ZNF280C: variants seen among roughly 807,000 people sequenced by gnomAD.
The protein encoded by ZNF280C is zinc finger protein 280C.
Under a neutral mutation model 53.6 loss-of-function variants are expected in ZNF280C, and 14 were observed. That is an observed-to-expected ratio of 0.26 (90% CI 0.17 to 0.41). The LOEUF is 0.41. ZNF280C is among the 10% of genes least tolerant of loss of function. The pLI is 1.00. For synonymous variants in ZNF280C, 203 were observed against 181.1 expected (o/e 1.12, Z -0.97); for missense variants, 416 against 547.1 (o/e 0.76, Z 2.39).
chrX:130,216,161 A>G, intron 13 of ZNF280C, 60 bp from the exon 14 acceptor site: 1 of 1,002,154 alleles, frequency 1.0e-6, no homozygotes. Flanking sequence ...AGTATTAAAA[A>G]TATCATTGTA....
At position 130,202,787 on chromosome X, in the gene ZNF280C, A is replaced by G. The variant is rs1268812781; in HGVS notation, c.*2190T>C. On this transcript the variant is annotated 3_prime_UTR_variant, in exon 19 of 19. Coordinates refer to ENST00000370978, the MANE Select transcript of ZNF280C (RefSeq NM_017666.5). ...ATTTTATTAAAAAAATAACATCAAAACTGTTCAGCAAATCTGTATTCAATG... is the reference window on the plus strand; with the variant it reads ...ATTTTATTAAAAAAATAACATCAAAGCTGTTCAGCAAATCTGTATTCAATG... 9.0e-6 allele frequency: 1 copy of G among 111,360 alleles called. No homozygotes were observed. The highest frequency in any genetic ancestry group is 2.8e-4 in the East Asian group (1 of 3,595). 9.2% of individuals were successfully genotyped at this position (111,360 alleles called of 1,213,427 possible).
chrX:130,252,943 C>T (rs944151865), intron 2 of ZNF280C, among the ~76,000 whole-genome samples: 4 of 111,354 alleles, frequency 3.6e-5, no homozygotes, highest in East Asian at 2.8e-4. Context: ...AAGAAATAGA[C>T]GGCATCCACA....
At position 130,216,145 on chromosome X, in the gene ZNF280C, C is replaced by T. The variant is rs186007856; in HGVS notation, c.1528-44G>A. On this transcript the variant is annotated intron_variant, in intron 13 of 18. Transcript: ENST00000370978. ...TACATATTTTTAGAAAAGTAACCAT[C>T]GCATTAGTATTAAAAATATCATTGT... The T allele has an allele frequency of 2.0e-4, 211 of 1,036,214 alleles. 1 individual carries two copies. In the East Asian group the frequency reaches 4.6e-3, roughly 23 times the overall value. The allele number at this position is 1,036,214 out of a possible 1,213,427, so 85.4% of individuals were successfully genotyped here.
chrX:130,257,907 G>C (rs752613530), intron 2 of ZNF280C, among the ~76,000 whole-genome samples: 1 of 112,118 alleles, frequency 8.9e-6, no homozygotes, highest in African/African-American at 3.2e-5. Context: ...CCAGGAGTTC[G>C]AGACCAGCCT....
Position 130,204,961 on chromosome X carries a change from T to C in ZNF280C, c.*16A>G. On this transcript the variant is annotated 3_prime_UTR_variant, in exon 19 of 19. Transcript: ENST00000370978. ...TTGTCTTGCACCAGGTTGCATGAAC[T>C]CCATGGAGCAGGAATCTATTTCAAT... The C allele has an allele frequency of 9.3e-7, 1 of 1,073,860 alleles. No homozygotes were observed. Among genetic ancestry groups the C allele is most frequent in the Non-Finnish European group, 1.2e-6 (1 of 828,881 alleles). The allele number at this position is 1,073,860 out of a possible 1,213,427, so 88.5% of individuals were successfully genotyped here.
chrX:130,227,873 A>G, intron 10 of ZNF280C, 91 bp from the exon 11 acceptor site: 1 of 492,684 alleles, frequency 2.0e-6, no homozygotes, highest in Non-Finnish European at 3.5e-6. Context: ...TAATAATAGT[A>G]GAAGTAACAG....
chrX:130,263,227 C>G (rs751094893), intron 1 of ZNF280C, among the ~76,000 whole-genome samples: 3 of 112,446 alleles, frequency 2.7e-5, no homozygotes, highest in Admixed American at 9.4e-5. Context: ...CAATTGAAAA[C>G]ATATGTCCAC....
At chrX:130,260,054 G>A (rs921814309) in intron 2 of ZNF280C, among the ~76,000 whole-genome samples, 28 of 111,161 alleles carry the variant, frequency 2.5e-4, no homozygotes, top group Admixed American at 1.8e-3. Flanking sequence ...AGGCTGAGGC[G>A]GGTGGATCAC....
chrX:130,260,904 T>C (rs1198982003), intron 1 of ZNF280C, among the ~76,000 whole-genome samples: 2 of 112,267 alleles, frequency 1.8e-5, no homozygotes, highest in East Asian at 5.5e-4. Flanking sequence ...AATTATCCTG[T>C]AATATATGTT....
intron 1 of ZNF280C, 54 bp from the exon 2 acceptor site, chrX:130,260,519 C>G (rs1428878855): frequency 1.0e-6 from 1 of 972,945 alleles, no homozygotes; most frequent in Non-Finnish European, 1.4e-6. Context: ...TAAGTAACAC[C>G]AAGTATTGAA....
intron 3 of ZNF280C, among the ~76,000 whole-genome samples, chrX:130,245,787 T>TC (rs2032443375): frequency 1.8e-5 from 2 of 109,555 alleles, no homozygotes; most frequent in Admixed American, 2.0e-4. Context: ...TTGAGGACTT[T>TC]TTTTTTTTCT....
At chrX:130,212,322 G>A (rs1827571295) in intron 15 of ZNF280C, among the ~76,000 whole-genome samples, 1 of 111,346 alleles carries the variant, frequency 9.0e-6, no homozygotes, top group Non-Finnish European at 1.9e-5. Context: ...AAAGGTAAAA[G>A]ATAAAACTTT....
chrX:130,259,404 G>A (rs187171200), intron 2 of ZNF280C, among the ~76,000 whole-genome samples: 1 of 112,280 alleles, frequency 8.9e-6, no homozygotes, highest in Non-Finnish European at 1.9e-5. Flanking sequence ...TGACACCACT[G>A]TGATATTATG....
At chrX:130,267,627 G>GA (rs756634083) in intron 1 of ZNF280C, among the ~76,000 whole-genome samples, 1 of 112,047 alleles carries the variant, frequency 8.9e-6, no homozygotes, top group East Asian at 2.8e-4. Flanking sequence ...TACTGCTGTA[G>GA]AAACATCAAA....
At chrX:130,207,939 C>G (rs1226533990) in intron 16 of ZNF280C, among the ~76,000 whole-genome samples, 8 of 111,542 alleles carry the variant, frequency 7.2e-5, no homozygotes, top group Non-Finnish European at 1.3e-4. Flanking sequence ...ATCCATACCC[C>G]TTTAATAAAT....
At chrX:130,217,452 T>C (rs762097900) in intron 13 of ZNF280C, among the ~76,000 whole-genome samples, 21 of 111,927 alleles carry the variant, frequency 1.9e-4, no homozygotes, top group Non-Finnish European at 2.8e-4. Context: ...GGAGGGGAAA[T>C]AGTGAATGCT....
chrX:130,251,521 G>C (rs1282991042), intron 2 of ZNF280C, among the ~76,000 whole-genome samples: 4 of 110,528 alleles, frequency 3.6e-5, no homozygotes, highest in Non-Finnish European at 7.6e-5. Context: ...TCATTTCCAG[G>C]AGACCAGCCA....
chrX:130,219,751 CA>C (rs2032143662), intron 13 of ZNF280C, among the ~76,000 whole-genome samples: 1 of 109,266 alleles, frequency 9.2e-6, no homozygotes. Context: ...TATAGTCTAG[CA>C]ACTGAAAAAG....
intron 5 of ZNF280C, among the ~76,000 whole-genome samples, chrX:130,241,571 G>A (rs2032390804): frequency 1.8e-5 from 2 of 111,717 alleles, no homozygotes; most frequent in Admixed American, 1.9e-4. Flanking sequence ...ACCAGCCTGG[G>A]CAACACAGTG....
Sources: gnomAD v4.1 joint callset for allele counts (sites outside exome capture counted in the v4.1 genomes callset) on GRCh38, gnomAD v4.1.1 for gene constraint, MANE v1.5 for transcripts, NCBI Gene and HGNC (gene_info 2026-07-23, HGNC 2026-07-21) for gene names.